Variants in UBE2E2 observed in about 807,000 individuals in gnomAD.
UBE2E2 encodes ubiquitin conjugating enzyme E2 E2.
UBE2E2 carries 6 observed loss-of-function variants against 24.7 expected under a neutral mutation model. The ratio of observed to expected loss-of-function variants is 0.24; its 90% CI spans 0.13 to 0.48. The LOEUF is 0.48. Among genes scored for constraint, UBE2E2 ranks in the 20% least tolerant of loss-of-function variants. The pLI is 0.99. For synonymous variants in UBE2E2, 104 were observed against 83.6 expected, an observed-to-expected ratio of 1.24 and a Z score of -1.33; for missense variants, 169 against 245.0, an observed-to-expected ratio of 0.69 and a Z score of 2.07.
At chr3:23,482,835 A>T (rs1319424080) in intron 3 of UBE2E2, among the ~76,000 whole-genome samples, 1 of 152,218 alleles carries the variant, frequency 6.6e-6, no homozygotes, top group Non-Finnish European at 1.5e-5. Flanking sequence ...GTTAAAGAAG[A>T]TGATGAATGT....
intron 3 of UBE2E2, among the ~76,000 whole-genome samples, chr3:23,316,205 C>T (rs1375271754): frequency 6.6e-6 from 1 of 152,106 alleles, no homozygotes. Flanking sequence ...CAGGGTGATG[C>T]CTTCCCTTAG....
chr3:23,394,597 A>G (rs899915426), intron 3 of UBE2E2, among the ~76,000 whole-genome samples: 3 of 152,160 alleles, frequency 2.0e-5, no homozygotes, highest in African/African-American at 7.2e-5. Context: ...TAGAGAAGGA[A>G]GTACAGAGGG....
chr3:23,252,113 A>G (rs1227280316), intron 3 of UBE2E2, among the ~76,000 whole-genome samples: 3 of 152,220 alleles, frequency 2.0e-5, no homozygotes, highest in Non-Finnish European at 4.4e-5. Flanking sequence ...CTGGAAAAGC[A>G]TAATAAAGCT....
chr3:23,366,201 A>G (rs761392696), intron 3 of UBE2E2, among the ~76,000 whole-genome samples: 4 of 152,226 alleles, frequency 2.6e-5, no homozygotes, highest in African/African-American at 4.8e-5. Context: ...GGGAACACTT[A>G]TACACTGCTG....
intron 5 of UBE2E2, among the ~76,000 whole-genome samples, chr3:23,559,707 A>G (rs1271495507): frequency 6.6e-6 from 1 of 152,206 alleles, no homozygotes; most frequent in African/African-American, 2.4e-5. Context: ...AAGTCTGGTT[A>G]AAATATTAAA....
Position 23,474,647 on chromosome 3 carries a change from G to A in UBE2E2, c.228-24961G>A, listed in dbSNP as rs1699090173. 1.3e-5 allele frequency among the ~76,000 whole-genome samples: 2 copies of A among 152,052 alleles called. No homozygotes were observed. The stretch of plus-strand genomic sequence containing the variant: ...TTACCCTGGTCACACAACTGGAATG[G>A]CAGTCTAGAATAAAACTATGCTGTT... On this transcript the variant is annotated intron_variant, in intron 3 of 5. Transcript: ENST00000396703. The surrounding 1 kb of genome is among the most constrained non-coding windows in gnomAD (Gnocchi z 4.0).
chr3:23,219,194 T>G (rs1005911900), intron 3 of UBE2E2, among the ~76,000 whole-genome samples: 10 of 152,158 alleles, frequency 6.6e-5, no homozygotes, highest in Non-Finnish European at 1.5e-4. Flanking sequence ...AAACAGTTGC[T>G]TGGACTGGGT....
At chr3:23,430,356 C>G (rs1698030760) in intron 3 of UBE2E2, among the ~76,000 whole-genome samples, 1 of 152,124 alleles carries the variant, frequency 6.6e-6, no homozygotes, top group Non-Finnish European at 1.5e-5. Context: ...CTTAACCTGT[C>G]TTTGCCTTGT....
chr3:23,563,486 C>G (rs1695986278), intron 5 of UBE2E2, among the ~76,000 whole-genome samples: 1 of 152,104 alleles, frequency 6.6e-6, no homozygotes, highest in Non-Finnish European at 1.5e-5. Flanking sequence ...TGTTTTACTT[C>G]CAACTATGTG....
chr3:23,241,366 A>G (rs1697255286), intron 3 of UBE2E2, among the ~76,000 whole-genome samples: 1 of 152,216 alleles, frequency 6.6e-6, no homozygotes, highest in Non-Finnish European at 1.5e-5. Flanking sequence ...TATTCTTAAT[A>G]TGACAGCCAG....
intron 1 of UBE2E2, among the ~76,000 whole-genome samples, chr3:23,207,845 A>G (rs928584469): frequency 6.6e-6 from 1 of 152,190 alleles, no homozygotes; most frequent in South Asian, 2.1e-4. Context: ...TTCACATACT[A>G]TAAAATTTAC....
At chr3:23,547,872 A>G (rs1695558276) in intron 5 of UBE2E2, among the ~76,000 whole-genome samples, 1 of 152,182 alleles carries the variant, frequency 6.6e-6, no homozygotes, top group Admixed American at 6.5e-5. Flanking sequence ...GGTCCCAGTG[A>G]GGTGATCACA....
intron 3 of UBE2E2, among the ~76,000 whole-genome samples, chr3:23,356,207 A>G (rs1324994414): frequency 6.6e-6 from 1 of 152,174 alleles, no homozygotes; most frequent in East Asian, 1.9e-4. Flanking sequence ...CCAGGAAGAG[A>G]GTCAGGGAAC....
chr3:23,470,403 C>G lies in UBE2E2; in HGVS notation c.228-29205C>G, dbSNP rs533964340. Among the ~76,000 whole-genome samples, 17 of 152,264 alleles carry G rather than the reference C, an allele frequency of 1.1e-4. No homozygotes were observed. The South Asian group carries it at 3.3e-3, about 30-fold the overall frequency. On this transcript the variant is annotated intron_variant, in intron 3 of 5. Coordinates refer to ENST00000396703, the MANE Select transcript of UBE2E2 (RefSeq NM_152653.4). ...TATATAATATGCCAGAATGTTTGAC[C>G]TACCAGGTAGGAATCTAACCATATC...
chr3:23,243,680 T>C (rs1697313821), intron 3 of UBE2E2, among the ~76,000 whole-genome samples: 1 of 152,176 alleles, frequency 6.6e-6, no homozygotes, highest in Admixed American at 6.5e-5. Flanking sequence ...TTGGTTAGAT[T>C]AACTGAACTT....
intron 3 of UBE2E2, among the ~76,000 whole-genome samples, chr3:23,246,589 G>A (rs922301698): frequency 2.0e-5 from 3 of 151,632 alleles, no homozygotes; most frequent in Non-Finnish European, 2.9e-5. Context: ...TTTCCATGTC[G>A]ACCAAACTGT....
chr3:23,356,997 G>T (rs184086926), intron 3 of UBE2E2, among the ~76,000 whole-genome samples: 187 of 152,344 alleles, frequency 1.2e-3, no homozygotes, highest in Non-Finnish European at 2.4e-3. Context: ...TAGCAATCCA[G>T]ACTGCTTTGA....
chr3:23,560,766 G>C (rs541108038), intron 5 of UBE2E2, among the ~76,000 whole-genome samples: 1 of 152,040 alleles, frequency 6.6e-6, no homozygotes, highest in African/African-American at 2.4e-5. Flanking sequence ...ATTCTAACTG[G>C]TGTGAGATGG....
chr3:23,236,461 T>C (rs1697115542), intron 3 of UBE2E2, among the ~76,000 whole-genome samples: 1 of 151,030 alleles, frequency 6.6e-6, no homozygotes, highest in East Asian at 1.9e-4. Flanking sequence ...GACTTAAAAA[T>C]GCTTTTGAGG....
Sources: gnomAD v4.1 joint callset for allele counts (sites outside exome capture counted in the v4.1 genomes callset) on GRCh38, gnomAD v4.1.1 for gene constraint, Gnocchi (gnomAD v3.1) non-coding constraint, MANE v1.5 for transcripts, NCBI Gene and HGNC (gene_info 2026-07-23, HGNC 2026-07-21) for gene names.